The following SHANK2 variants were observed in gnomAD, a reference collection of about 807,000 sequenced individuals.
SHANK2 encodes SH3 and multiple ankyrin repeat domains protein 2.
A neutral mutation model predicts 133.7 loss-of-function variants in SHANK2; 43 were observed. The ratio of observed to expected loss-of-function variants is 0.32; its 90% CI spans 0.25 to 0.41. The LOEUF (loss-of-function observed/expected upper bound fraction) is 0.41, where lower values mean the gene tolerates loss of function less well. Ranked by LOEUF, SHANK2 falls within the 10% of genes least tolerant of loss-of-function variation. SHANK2 has a pLI of 1.00. For missense variants in SHANK2, 1,994 were observed against 2,235.8 expected (o/e 0.89, Z 2.18); for synonymous variants, 1,017 against 952.8 (o/e 1.07, Z -1.24).
chr11:71,237,516 C>T (rs1004806773), intron 1 of SHANK2, among the ~76,000 whole-genome samples: 8 of 152,210 alleles, frequency 5.3e-5, no homozygotes, highest in Admixed American at 2.0e-4. Flanking sequence ...GGTTAACTAA[C>T]ACGACCCTCA....
At chr11:70,581,208 G>C (rs556979974) in intron 17 of SHANK2, among the ~76,000 whole-genome samples, 1 of 152,220 alleles carries the variant, frequency 6.6e-6, no homozygotes, top group Non-Finnish European at 1.5e-5. Context: ...AAAAGCTCTT[G>C]TAGTCACTGA....
intron 17 of SHANK2, among the ~76,000 whole-genome samples, chr11:70,594,568 G>A (rs2060372312): frequency 1.3e-5 from 2 of 152,284 alleles, no homozygotes; most frequent in African/African-American, 4.8e-5. Flanking sequence ...ACTTTTAGAG[G>A]AGAAGTAGCT....
intron 2 of SHANK2, among the ~76,000 whole-genome samples, chr11:71,177,007 G>C (rs1953459831): frequency 1.3e-5 from 2 of 152,172 alleles, no homozygotes. Flanking sequence ...ACAAACTTAA[G>C]AATGACAGCA....
chr11:71,185,831 G>A (rs1590999525), intron 2 of SHANK2, among the ~76,000 whole-genome samples: 1 of 151,132 alleles, frequency 6.6e-6, no homozygotes, highest in African/African-American at 2.4e-5. Flanking sequence ...GGAAGAAGGT[G>A]AAGTTGCAGC....
At chr11:70,855,510 T>A (rs17161143) in intron 11 of SHANK2, among the ~76,000 whole-genome samples, 15,815 of 152,208 alleles carry the variant, frequency 0.1, 1,936 homozygotes, top group African/African-American at 0.29. Context: ...TGAACCCCAA[T>A]GTTATAGCTC....
At chr11:70,683,097 C>T (rs782745759) in intron 15 of SHANK2, among the ~76,000 whole-genome samples, 22 of 152,170 alleles carry the variant, frequency 1.4e-4, no homozygotes, top group Non-Finnish European at 3.1e-4. Context: ...AGGCTCACCG[C>T]TGGCTCAGGA....
intron 15 of SHANK2, among the ~76,000 whole-genome samples, chr11:70,687,819 G>A (rs1172729519): frequency 6.6e-6 from 1 of 152,296 alleles, no homozygotes. Context: ...TGCCCTCAGT[G>A]GGGCCCTGCC....
At chr11:71,065,409 G>A (rs1376142329) in intron 9 of SHANK2, among the ~76,000 whole-genome samples, 17 of 142,486 alleles carry the variant, frequency 1.2e-4, no homozygotes, top group Non-Finnish European at 2.4e-4. Context: ...GAAGTTGTGG[G>A]GGGGTGTGCA....
intron 17 of SHANK2, among the ~76,000 whole-genome samples, chr11:70,657,573 C>T (rs2061419618): frequency 6.6e-6 from 1 of 152,196 alleles, no homozygotes; most frequent in African/African-American, 2.4e-5. Context: ...TGCCTGCACC[C>T]CGCACCCTCA....
At chr11:70,758,226 C>T (rs1397013452) in intron 14 of SHANK2, among the ~76,000 whole-genome samples, 2 of 152,214 alleles carry the variant, frequency 1.3e-5, no homozygotes, top group Admixed American at 1.3e-4. Flanking sequence ...CAATGGCTAC[C>T]CGCTTTGGGT....
At chr11:70,640,684 G>A (rs570759112) in intron 17 of SHANK2, among the ~76,000 whole-genome samples, 9 of 152,252 alleles carry the variant, frequency 5.9e-5, no homozygotes, top group Non-Finnish European at 1.2e-4. Flanking sequence ...TAGGAGGGGC[G>A]CATGCCCAGT....
intron 2 of SHANK2, among the ~76,000 whole-genome samples, chr11:71,198,247 G>A (rs944738244): frequency 8.1e-4 from 124 of 152,252 alleles, no homozygotes; most frequent in African/African-American, 2.9e-3. Context: ...CTGTACTCAG[G>A]CACTTTTGCC....
At chr11:70,564,619 A>G (rs1386903411) in intron 17 of SHANK2, among the ~76,000 whole-genome samples, 2 of 151,394 alleles carry the variant, frequency 1.3e-5, no homozygotes, top group African/African-American at 4.9e-5. Context: ...CTCTACTTAC[A>G]TGTATATTGG....
intron 14 of SHANK2, among the ~76,000 whole-genome samples, chr11:70,757,012 T>C (rs1946890833): frequency 6.6e-6 from 1 of 152,204 alleles, no homozygotes; most frequent in Non-Finnish European, 1.5e-5. Flanking sequence ...TTCCATGATA[T>C]TGGACGTTTG....
intron 8 of SHANK2, among the ~76,000 whole-genome samples, chr11:71,086,684 C>T (rs1290963979): frequency 2.6e-5 from 4 of 151,582 alleles, no homozygotes; most frequent in African/African-American, 9.7e-5. Context: ...TAGAGATGGA[C>T]TTGAGACCCG....
At chr11:70,623,226 C>G (rs1459990268) in intron 17 of SHANK2, among the ~76,000 whole-genome samples, 2 of 152,182 alleles carry the variant, frequency 1.3e-5, no homozygotes, top group Non-Finnish European at 2.9e-5. Flanking sequence ...CCTGTGCCTG[C>G]CTCTCCCACC....
chr11:71,057,686 GACA>G (rs1371616044), intron 9 of SHANK2, among the ~76,000 whole-genome samples: 1 of 151,904 alleles, frequency 6.6e-6, no homozygotes, highest in Non-Finnish European at 1.5e-5. Context: ...GAGTAGCTGG[GACA>G]ACAAGCATGT....
chr11:71,147,289 G>C lies in SHANK2; in HGVS notation c.38C>G (p.Ala13Gly). The C allele has an allele frequency of 6.4e-7, 1 of 1,551,048 alleles. No homozygotes were observed. Residue 13 changes from alanine (A) to glycine (G), a missense_variant, in exon 3 of 26, where the codon GCC (alanine) becomes GGC (glycine). Ala to Gly is a moderately conservative substitution (Grantham distance 60). This residue lies in a region of SHANK2 where 653 missense variants were observed against 563.4 expected (regional missense o/e 1.16). Coordinates refer to ENST00000601538, the MANE Select transcript of SHANK2 (RefSeq NM_012309.5). ...RSPTSSEDEM[A>G]QSFSDYSVGS... ...CACGGAGTAGTCGGAGAAGCTCTGG[G>C]CCATCTCGTCCTCGCTGGATGTTGG...
intron 17 of SHANK2, among the ~76,000 whole-genome samples, chr11:70,627,670 G>GATAATCACACATATATA (rs2060922791): frequency 6.6e-6 from 1 of 152,138 alleles, no homozygotes; most frequent in African/African-American, 2.4e-5. Context: ...CCTGGAGATG[G>GATAATCACACATATATA]GACCCAAGTC....
Sources: allele counts gnomAD v4.1 joint callset (sites outside exome capture counted in the v4.1 genomes callset), GRCh38; gene constraint gnomAD v4.1.1; regional missense constraint gnomAD v4.1.1; transcripts MANE v1.5; gene names NCBI Gene and HGNC (gene_info 2026-07-23, HGNC 2026-07-21).